FNBP4: variants seen among roughly 807,000 people sequenced by gnomAD.
FNBP4 encodes the protein formin binding protein 4, also known as formin-binding protein 4.
Under a neutral mutation model 119.3 loss-of-function variants are expected in FNBP4, and 34 were observed. That is an observed-to-expected ratio of 0.28 (90% CI 0.22 to 0.38). FNBP4 has a LOEUF of 0.38. Ranked by LOEUF, FNBP4 falls within the 10% of genes least tolerant of loss-of-function variation. FNBP4 has a pLI of 1.00. For synonymous variants in FNBP4, 462 were observed against 430.6 expected (o/e 1.07, Z -0.90); for missense variants, 1,112 against 1,228.9 (o/e 0.90, Z 1.42).
chr11:47,736,634 T>C lies in FNBP4; in HGVS notation c.1563A>G (p.Glu521=). The change falls in exon 9 of 17, where the codon GAA becomes GAG. Residue 521 remains glutamate (E), a synonymous_variant. Transcript: ENST00000263773. The part of the protein sequence containing the change: ...KIKVQTTPKV[E]EEQDLKFQIG... ...TACATACTTTCAAATCCTGTTCTTC[T>C]TCTACTTTTGGTGTTGTCTGTACTT... 2 of 1,597,140 alleles carry C rather than the reference T, an allele frequency of 1.3e-6. No individual in the cohort carries two copies. Among genetic ancestry groups the C allele is most frequent in the Non-Finnish European group, 1.7e-6 (2 of 1,167,788 alleles).
chr11:47,737,024 T>G (rs986444336), intron 8 of FNBP4, among the ~76,000 whole-genome samples: 1 of 151,986 alleles, frequency 6.6e-6, no homozygotes, highest in African/African-American at 2.4e-5. Flanking sequence ...GCTAACACAG[T>G]AGAACCGTCT....
In FNBP4 at chr11:47,743,997, C is replaced by A; in HGVS notation, c.1412G>T (p.Ser471Ile). 1 of 1,614,190 alleles carries A rather than the reference C, an allele frequency of 6.2e-7. No homozygotes were observed. The highest frequency in any genetic ancestry group is 8.5e-7 in the Non-Finnish European group (1 of 1,180,034). Residue 471 changes from serine to isoleucine, a missense_variant, in exon 8 of 17, where the codon AGT becomes ATT. Around this residue, in one of 2 missense-constraint regions of FNBP4, gnomAD observed 826 missense variants for 988.8 expected, o/e 0.84. Coordinates refer to ENST00000263773, the MANE Select transcript of FNBP4 (RefSeq NM_015308.5). ...RATSPESTSR[S>I]SSKTGRDTPE... is the part of the protein sequence containing the mutation. ...AGTATCTCGTCCAGTTTTACTAGAA[C>A]TCCTACTGGTAGATTCTGGACTGGT... is the stretch of plus-strand genomic sequence containing the variant.
At chr11:47,734,850 G>C (rs918752923) in intron 9 of FNBP4, among the ~76,000 whole-genome samples, 4 of 151,972 alleles carry the variant, frequency 2.6e-5, no homozygotes, top group Non-Finnish European at 4.4e-5. Flanking sequence ...GTGCACACCT[G>C]TAGTCCCAGC....
chr11:47,731,601 TCTC>T, intron 11 of FNBP4, 40 bp from the exon 12 acceptor site: 3 of 1,572,188 alleles, frequency 1.9e-6, no homozygotes, highest in Non-Finnish European at 2.6e-6. Flanking sequence ...TAAAACCCGT[TCTC>T]CTACAAAGAC....
intron 1 of FNBP4, among the ~76,000 whole-genome samples, chr11:47,766,629 T>C (rs1452270690): frequency 6.6e-6 from 1 of 152,206 alleles, no homozygotes; most frequent in African/African-American, 2.4e-5. Flanking sequence ...CTAGCTGGAA[T>C]ATTAAGAGCT....
intron 6 of FNBP4, among the ~76,000 whole-genome samples, chr11:47,748,355 C>A (rs559901459): frequency 2.0e-4 from 31 of 151,952 alleles, no homozygotes; most frequent in Non-Finnish European, 1.3e-4. Context: ...TGGGGTAACA[C>A]TTGTCCTATC....
chr11:47,755,574 C>G (rs995666850), intron 2 of FNBP4, among the ~76,000 whole-genome samples: 11 of 150,458 alleles, frequency 7.3e-5, no homozygotes, highest in African/African-American at 2.7e-4. Flanking sequence ...CATTTGAGCC[C>G]AGAATCTGAG....
intron 2 of FNBP4, among the ~76,000 whole-genome samples, chr11:47,762,906 C>CAAAAGA (rs2097638908): frequency 3.0e-5 from 3 of 100,640 alleles, no homozygotes; most frequent in African/African-American, 8.9e-5. Context: ...ACTCTGATTC[C>CAAAAGA]AAAAAAAAAA....
chr11:47,747,514 C>T (rs922860544), intron 6 of FNBP4, among the ~76,000 whole-genome samples: 1 of 151,934 alleles, frequency 6.6e-6, no homozygotes, highest in African/African-American at 2.4e-5. Context: ...ACCAGGTTGG[C>T]CAAGTTGATC....
At chr11:47,743,735 C>A in intron 8 of FNBP4, 1 of 564,446 alleles carries the variant, frequency 1.8e-6, no homozygotes, top group South Asian at 2.1e-5. Context: ...TCTGAATACA[C>A]CACCATCCAG....
chr11:47,746,459 C>A (rs965124657), intron 6 of FNBP4, 65 bp from the exon 7 acceptor site: 1 of 1,272,642 alleles, frequency 7.9e-7, no homozygotes, highest in South Asian at 1.5e-5. Flanking sequence ...CACATACATT[C>A]AATTGCACAC....
chr11:47,748,213 T>A (rs2097594674), intron 6 of FNBP4, among the ~76,000 whole-genome samples: 1 of 151,440 alleles, frequency 6.6e-6, no homozygotes, highest in African/African-American at 2.4e-5. Context: ...CACTCCAGCC[T>A]GGGTGACAGA....
chr11:47,717,609 G>C, intron 16 of FNBP4, 97 bp from the exon 17 acceptor site: 3 of 858,940 alleles, frequency 3.5e-6, no homozygotes, highest in Non-Finnish European at 3.8e-6. Flanking sequence ...TTAAAAACCT[G>C]ATCTATCACG....
At chr11:47,725,516 T>C (rs2097560038) in intron 12 of FNBP4, 1 of 152,396 alleles carries the variant, frequency 6.6e-6, no homozygotes, top group Non-Finnish European at 1.5e-5. Context: ...ACTTTTGCGA[T>C]AAAAGAGAAA....
At chr11:47,743,827 C>T (rs2097585625) in intron 8 of FNBP4, 126 bp downstream of exon 8, 4 of 838,094 alleles carry the variant, frequency 4.8e-6, no homozygotes, top group Non-Finnish European at 7.4e-6. Flanking sequence ...AGCTTCCTTC[C>T]CAGCACTTCT....
intron 8 of FNBP4, 112 bp downstream of exon 8, chr11:47,743,841 A>G (rs1459686439): frequency 1.1e-6 from 1 of 951,292 alleles, no homozygotes; most frequent in Non-Finnish European, 1.6e-6. Flanking sequence ...CACTTCTCCC[A>G]AAGAGTAAAA....
chr11:47,736,702 A>C lies in FNBP4; in HGVS notation c.1495T>G (p.Ser499Ala). 1 of 1,604,282 alleles carries C rather than the reference A, an allele frequency of 6.2e-7. No homozygotes were observed. Among genetic ancestry groups the C allele is most frequent in the East Asian group, 2.2e-5 (1 of 44,782 alleles). The change falls in exon 9 of 17, where the codon TCA (serine) becomes GCA (alanine). Residue 499 changes from serine (S) to alanine (A), a missense_variant. Ser to Ala is a moderately conservative substitution (Grantham distance 99). This residue lies in a region of FNBP4 where 826 missense variants were observed against 988.8 expected (regional missense o/e 0.84). Coordinates refer to ENST00000263773, the MANE Select transcript of FNBP4 (RefSeq NM_015308.5). The stretch of plus-strand genomic sequence containing the variant: ...TCTTCTACTTCCATCTCTTTATCTG[A>C]ATTCTCATCTATTTTTTCTGAATTT... ...AENSEKIDEN[S>A]DKEMEVEESP... is the part of the protein sequence containing the mutation.
chr11:47,754,239 T>C (rs984969270), intron 3 of FNBP4, among the ~76,000 whole-genome samples: 1 of 132,640 alleles, frequency 7.5e-6, no homozygotes, highest in African/African-American at 2.9e-5. Context: ...GACAGCCAGG[T>C]GTGATGGCTC....
At chr11:47,736,775 C>T in intron 8 of FNBP4, 35 bp from the exon 9 acceptor site, 1 of 1,557,710 alleles carries the variant, frequency 6.4e-7, no homozygotes, top group East Asian at 2.3e-5. Context: ...AACCAAAGTA[C>T]CAATACTTAT....
Sources: gnomAD v4.1 joint callset for allele counts (sites outside exome capture counted in the v4.1 genomes callset) on GRCh38, gnomAD v4.1.1 for gene constraint, gnomAD v4.1.1 regional missense constraint, MANE v1.5 for transcripts, NCBI Gene and HGNC (gene_info 2026-07-23, HGNC 2026-07-21) for gene names.